NBAS: variants seen among roughly 807,000 people sequenced by gnomAD.
The protein encoded by NBAS is NBAS subunit of NRZ tethering complex.
Under a neutral mutation model 302.5 loss-of-function variants are expected in NBAS, and 219 were observed. The observed-to-expected ratio is 0.72, with a 90% confidence interval of 0.65 to 0.81. NBAS has a LOEUF of 0.81. Among genes scored for constraint, NBAS ranks in the 30% least tolerant of loss-of-function variants. The probability of loss-of-function intolerance (pLI) is 0.00; values close to 1 mark genes in which losing one functional copy is unlikely to be tolerated. For synonymous variants in NBAS, 1,118 were observed against 1,021.6 expected (o/e 1.09, Z -1.80); for missense variants, 2,932 against 2,841.6 (o/e 1.03, Z -0.72).
chr2:15,235,592 A>T (rs975500018), intron 45 of NBAS, among the ~76,000 whole-genome samples: 1 of 152,210 alleles, frequency 6.6e-6, no homozygotes, highest in Non-Finnish European at 1.5e-5. Flanking sequence ...GATGATATTA[A>T]AGAATGTTTA....
chr2:15,432,479 C>A (rs1677814051), intron 21 of NBAS, among the ~76,000 whole-genome samples: 1 of 151,986 alleles, frequency 6.6e-6, no homozygotes, highest in Non-Finnish European at 1.5e-5. Flanking sequence ...CTATTATATC[C>A]AACAATTCTC....
At chr2:15,253,701 GTCTGA>G (rs1158860963) in intron 44 of NBAS, among the ~76,000 whole-genome samples, 1 of 152,186 alleles carries the variant, frequency 6.6e-6, no homozygotes, top group African/African-American at 2.4e-5. Context: ...AGAAAGGCAT[GTCTGA>G]CACTCTTCCT....
chr2:14,957,309 G>GTA, the NBAS span, among the ~76,000 whole-genome samples: 5 of 144,524 alleles, frequency 3.5e-5, no homozygotes, highest in African/African-American at 1.3e-4. Flanking sequence ...GTGTGTGTGT[G>GTA]TAAAGTCCTG....
chr2:15,049,267 AGTCAG>A, the NBAS span, among the ~76,000 whole-genome samples: 2 of 152,196 alleles, frequency 1.3e-5, no homozygotes. Context: ...GGACTCCCTG[AGTCAG>A]GCTTTGGCCA....
At chr2:15,453,944 A>G (rs1011804151) in intron 21 of NBAS, among the ~76,000 whole-genome samples, 5 of 152,036 alleles carry the variant, frequency 3.3e-5, no homozygotes, top group African/African-American at 1.2e-4. Context: ...ACGCCCAGCT[A>G]ATTTTTGTAT....
chr2:15,036,997 G>A, the NBAS span, among the ~76,000 whole-genome samples: 2 of 152,140 alleles, frequency 1.3e-5, no homozygotes, highest in Non-Finnish European at 2.9e-5. Context: ...GCAGGCAATG[G>A]GTGGAGGTAT....
At chr2:14,888,456 T>C in the NBAS span, among the ~76,000 whole-genome samples, 7 of 120,248 alleles carry the variant, frequency 5.8e-5, no homozygotes, top group East Asian at 2.0e-4. Flanking sequence ...CGGCCCCCCC[T>C]TTTTTTTTTA....
the NBAS span, among the ~76,000 whole-genome samples, chr2:15,065,991 G>C: frequency 6.6e-6 from 1 of 152,096 alleles, no homozygotes; most frequent in African/African-American, 2.4e-5. Flanking sequence ...ATATTACAAA[G>C]TTATAGTAAA....
intron 10 of NBAS, among the ~76,000 whole-genome samples, chr2:15,507,756 T>G (rs1661942353): frequency 6.6e-6 from 1 of 152,228 alleles, no homozygotes. Flanking sequence ...CCTTGAGGGC[T>G]GCCACCAGTA....
chr2:15,492,316 G>A (rs187380652), intron 11 of NBAS, among the ~76,000 whole-genome samples: 6 of 152,182 alleles, frequency 3.9e-5, no homozygotes, highest in South Asian at 2.1e-4. Flanking sequence ...TCTATTGAAC[G>A]TTCATGCATA....
intron 40 of NBAS, among the ~76,000 whole-genome samples, chr2:15,295,273 A>T (rs183239924): frequency 6.6e-6 from 1 of 152,238 alleles, no homozygotes; most frequent in Non-Finnish European, 1.5e-5. Flanking sequence ...TTATTGCTAC[A>T]AACATTTCCA....
chr2:15,194,037 C>T (rs1665492427), intron 48 of NBAS, among the ~76,000 whole-genome samples: 1 of 151,644 alleles, frequency 6.6e-6, no homozygotes, highest in South Asian at 2.1e-4. Context: ...CCACCCAGAC[C>T]TAGTATTTCC....
the NBAS span, among the ~76,000 whole-genome samples, chr2:15,125,514 G>GC: frequency 0.4 from 61,040 of 151,722 alleles, 13,220 homozygotes; most frequent in African/African-American, 0.58. Flanking sequence ...CTTCCACCAG[G>GC]CTTATCTAAG....
intron 32 of NBAS, among the ~76,000 whole-genome samples, chr2:15,359,325 G>C (rs1052525904): frequency 1.3e-5 from 2 of 152,164 alleles, no homozygotes; most frequent in African/African-American, 4.8e-5. Flanking sequence ...AAAAGTTTTT[G>C]TCCCAACAGG....
chr2:15,523,352 G>A (rs1662768043), intron 9 of NBAS, among the ~76,000 whole-genome samples: 1 of 152,168 alleles, frequency 6.6e-6, no homozygotes. Context: ...ATGGATGGTT[G>A]CATCTGTACT....
intron 48 of NBAS, among the ~76,000 whole-genome samples, chr2:15,216,140 G>A (rs895488278): frequency 6.6e-6 from 1 of 152,076 alleles, no homozygotes; most frequent in African/African-American, 2.4e-5. Flanking sequence ...AGGAGGAGGG[G>A]GACACTCACT....
chr2:15,455,733 A>C (rs141416703), intron 21 of NBAS, among the ~76,000 whole-genome samples: 30 of 151,070 alleles, frequency 2.0e-4, no homozygotes, highest in African/African-American at 7.3e-4. Context: ...GCAGTTAAGA[A>C]ACCCAAGATC....
intron 27 of NBAS, 77 bp from the exon 28 acceptor site, chr2:15,394,426 C>A (rs903917850): frequency 2.0e-6 from 3 of 1,504,638 alleles, no homozygotes; most frequent in Non-Finnish European, 2.8e-6. Context: ...ATAGAGGTAG[C>A]CCTTCAGTGT....
chr2:15,358,675 A>G (rs1673746832), intron 32 of NBAS, among the ~76,000 whole-genome samples: 1 of 152,058 alleles, frequency 6.6e-6, no homozygotes, highest in Non-Finnish European at 1.5e-5. Flanking sequence ...GAACTCCTGG[A>G]CTGAAGCAAT....
Sources: allele counts gnomAD v4.1 joint callset (sites outside exome capture counted in the v4.1 genomes callset), GRCh38; gene constraint gnomAD v4.1.1; transcripts MANE v1.5; gene names NCBI Gene and HGNC (gene_info 2026-07-23, HGNC 2026-07-21).